Variants in BLTP2 observed in about 807,000 individuals in gnomAD.
The protein encoded by BLTP2 is bridge-like lipid transfer protein family member 2.
chr17:28,618,634 T>G, the BLTP2 span: 3 of 578,258 alleles, frequency 5.2e-6, no homozygotes, highest in Non-Finnish European at 9.1e-6. Flanking sequence ...GCTCTGCTCA[T>G]TAATATGATT....
the BLTP2 span, chr17:28,633,469 C>A: frequency 6.3e-7 from 1 of 1,581,290 alleles, no homozygotes; most frequent in African/African-American, 1.3e-5. Context: ...CAAATCAGCA[C>A]CTGTCTCTCT....
At chr17:28,616,424 C>T in the BLTP2 span, 1 of 1,614,190 alleles carries the variant, frequency 6.2e-7, no homozygotes. The surrounding 1 kb of genome is among the most constrained non-coding windows in gnomAD (Gnocchi z 4.8). Context: ...AACTCCGAGT[C>T]AAACCCTGTG....
the BLTP2 span, chr17:28,634,743 C>A: frequency 6.2e-7 from 1 of 1,614,150 alleles, no homozygotes; most frequent in South Asian, 1.1e-5. Flanking sequence ...GACGGGAACG[C>A]TGGATGTAGA....
the BLTP2 span, among the ~76,000 whole-genome samples, chr17:28,624,753 A>G: frequency 8.6e-5 from 13 of 151,398 alleles, no homozygotes; most frequent in Non-Finnish European, 1.9e-4. Flanking sequence ...ACTTGAAACC[A>G]CTCTCTTGCC....
chr17:28,644,678 T>C, the BLTP2 span, among the ~76,000 whole-genome samples: 19 of 152,230 alleles, frequency 1.2e-4, no homozygotes, highest in Non-Finnish European at 1.8e-4. Flanking sequence ...CATGCAGGGG[T>C]GGGTGGAGGG....
the BLTP2 span, chr17:28,642,954 T>C: frequency 1.2e-6 from 2 of 1,608,302 alleles, no homozygotes; most frequent in Non-Finnish European, 1.7e-6. Flanking sequence ...TTGAGAACCA[T>C]GATGTTTATA....
At chr17:28,619,677 A>G in the BLTP2 span, 1 of 1,613,970 alleles carries the variant, frequency 6.2e-7, no homozygotes, top group Non-Finnish European at 8.5e-7. Context: ...TCAGTTCTTC[A>G]CTTTCCAGCT....
chr17:28,623,485 T>C, the BLTP2 span, among the ~76,000 whole-genome samples: 3 of 152,100 alleles, frequency 2.0e-5, no homozygotes, highest in Admixed American at 6.5e-5. Context: ...AGTGTGAACA[T>C]TAATAGGGAT....
the BLTP2 span, chr17:28,638,187 C>A: frequency 6.3e-7 from 1 of 1,597,400 alleles, no homozygotes; most frequent in Non-Finnish European, 8.6e-7. Flanking sequence ...GGATGCTCAG[C>A]GCTCTGACGC....
chr17:28,615,618 C>T, the BLTP2 span: 1 of 1,591,102 alleles, frequency 6.3e-7, no homozygotes, highest in East Asian at 2.2e-5. Context: ...AGAGGATCTG[C>T]CTGCCAGCCC....
the BLTP2 span, chr17:28,616,271 T>A: frequency 1.9e-6 from 3 of 1,600,930 alleles, no homozygotes. This position sits in a 1 kb window ranked among gnomAD's most constrained non-coding sequence, Gnocchi z 4.8. Context: ...ATCTCCCTCT[T>A]CTTTTATCCC....
chr17:28,616,912 T>C, the BLTP2 span: 3 of 1,614,010 alleles, frequency 1.9e-6, no homozygotes, highest in South Asian at 1.1e-5. The surrounding 1 kb of genome is among the most constrained non-coding windows in gnomAD (Gnocchi z 4.8). Flanking sequence ...TTAACAGAGA[T>C]ACCCCCAACA....
chr17:28,630,348 G>A, the BLTP2 span, among the ~76,000 whole-genome samples: 1 of 150,934 alleles, frequency 6.6e-6, no homozygotes, highest in Non-Finnish European at 1.5e-5. Flanking sequence ...GGTAGAGACA[G>A]GGTTTCCTCA....
At chr17:28,632,974 G>C in the BLTP2 span, 1 of 1,550,858 alleles carries the variant, frequency 6.4e-7, no homozygotes, top group African/African-American at 1.4e-5. Flanking sequence ...CATCTTGATG[G>C]AGAGATTGAG....
At chr17:28,631,451 G>T in the BLTP2 span, 1 of 1,594,286 alleles carries the variant, frequency 6.3e-7, no homozygotes, top group Non-Finnish European at 8.6e-7. Context: ...TATAAATAAG[G>T]TAATAAAGAA....
At chr17:28,640,428 T>G in the BLTP2 span, 2 of 940,678 alleles carry the variant, frequency 2.1e-6, 1 homozygote, top group South Asian at 3.0e-5. Context: ...TTTCCCACAC[T>G]ACATGGATGT....
chr17:28,620,479 AAC>A, the BLTP2 span: 1 of 1,612,814 alleles, frequency 6.2e-7, no homozygotes, highest in Non-Finnish European at 8.5e-7. Context: ...CTGTGAGGCT[AAC>A]CAGCATTCTA....
the BLTP2 span, chr17:28,639,694 T>C: frequency 6.4e-7 from 1 of 1,554,534 alleles, no homozygotes; most frequent in Non-Finnish European, 8.9e-7. Flanking sequence ...GGGCAAGAGG[T>C]AAAACTGGGA....
the BLTP2 span, chr17:28,635,089 T>G: frequency 1.1e-4 from 176 of 1,613,218 alleles, no homozygotes; most frequent in African/African-American, 2.2e-3. Context: ...TCGAGAAAAG[T>G]CATACTGATA....
Sources: gnomAD v4.1 joint callset for allele counts (sites outside exome capture counted in the v4.1 genomes callset) on GRCh38, gnomAD v4.1.1 for gene constraint, Gnocchi (gnomAD v3.1) non-coding constraint, MANE v1.5 for transcripts, NCBI Gene and HGNC (gene_info 2026-07-23, HGNC 2026-07-21) for gene names.